The following DCC variants were observed in gnomAD, a reference collection of about 807,000 sequenced individuals.
DCC encodes DCC netrin 1 receptor, also known as netrin receptor DCC.
A neutral mutation model predicts 172.5 loss-of-function variants in DCC; 58 were observed. The observed-to-expected ratio is 0.34, with a 90% CI of 0.27 to 0.42. The LOEUF (loss-of-function observed/expected upper bound fraction) is 0.42. DCC is among the 10% of genes least tolerant of loss of function. DCC has a pLI of 1.00. For synonymous variants in DCC, 709 were observed against 644.5 expected (o/e 1.10, Z -1.52); for missense variants, 1,740 against 1,791.0 (o/e 0.97, Z 0.51).
At chr18:52,661,293 C>G (rs1280456468) in intron 1 of DCC, among the ~76,000 whole-genome samples, 1 of 152,100 alleles carries the variant, frequency 6.6e-6, no homozygotes, top group African/African-American at 2.4e-5. Flanking sequence ...AGACATTAGA[C>G]CTACAGACTC....
intron 1 of DCC, among the ~76,000 whole-genome samples, chr18:52,595,121 A>G (rs1402450197): frequency 1.3e-5 from 2 of 152,198 alleles, no homozygotes; most frequent in African/African-American, 4.8e-5. Flanking sequence ...TGCCTTGTAC[A>G]TCACAAAAAA....
At chr18:53,353,618 T>C (rs2057838765) in intron 15 of DCC, among the ~76,000 whole-genome samples, 2 of 152,166 alleles carry the variant, frequency 1.3e-5, no homozygotes, top group African/African-American at 2.4e-5. Context: ...CTTTGTTATG[T>C]GTGAAAAAGT....
intron 5 of DCC, among the ~76,000 whole-genome samples, chr18:52,952,088 A>G (rs771546432): frequency 6.6e-6 from 1 of 152,190 alleles, no homozygotes; most frequent in Non-Finnish European, 1.5e-5. Flanking sequence ...ATATATTATG[A>G]TCACTTCTTC....
intron 12 of DCC, among the ~76,000 whole-genome samples, chr18:53,223,811 C>T (rs2055979576): frequency 1.3e-5 from 2 of 152,242 alleles, no homozygotes; most frequent in African/African-American, 2.4e-5. Flanking sequence ...AGATTTAACA[C>T]ATTAACACGA....
At chr18:53,358,927 G>A (rs181468175) in intron 15 of DCC, among the ~76,000 whole-genome samples, 1 of 152,294 alleles carries the variant, frequency 6.6e-6, no homozygotes, top group East Asian at 1.9e-4. Context: ...TATAAGACCA[G>A]TGATTGCATT....
At position 53,170,964 on chromosome 18, in the gene DCC, C is replaced by A. The variant is rs118176980; in HGVS notation, c.1419-7998C>A. 9.1e-3 allele frequency among the ~76,000 whole-genome samples: 1,382 copies of A among 152,248 alleles called. 54 individuals carry two copies. The East Asian group carries it at 0.1, about 11-fold the overall frequency. On this transcript the variant is annotated intron_variant, in intron 8 of 28. Coordinates refer to ENST00000442544, the MANE Select transcript of DCC (RefSeq NM_005215.4). Reference sequence around the variant, plus strand: ...GTAATGGCATGATCTCAGCTCATGGCAACTTCTGCCTCCAGGCTCAAGTGA... The same window carrying A: ...GTAATGGCATGATCTCAGCTCATGGAAACTTCTGCCTCCAGGCTCAAGTGA...
intron 2 of DCC, among the ~76,000 whole-genome samples, chr18:52,847,104 A>G (rs1192749363): frequency 6.6e-6 from 1 of 152,176 alleles, no homozygotes; most frequent in African/African-American, 2.4e-5. Context: ...CTTTTCGTCT[A>G]TTCCTTATGT....
intron 2 of DCC, among the ~76,000 whole-genome samples, chr18:52,830,798 G>T (rs1208662947): frequency 1.3e-5 from 2 of 152,028 alleles, no homozygotes; most frequent in South Asian, 2.1e-4. Context: ...TTAAATGTAG[G>T]TTTATCAAAC....
intron 1 of DCC, among the ~76,000 whole-genome samples, chr18:52,614,772 C>A (rs1220827703): frequency 6.6e-6 from 1 of 151,952 alleles, no homozygotes; most frequent in Admixed American, 6.6e-5. Context: ...AAAAAAAAAT[C>A]TCAAATTTCA....
At chr18:52,447,270 G>A (rs1355572637) in intron 1 of DCC, among the ~76,000 whole-genome samples, 1 of 152,200 alleles carries the variant, frequency 6.6e-6, no homozygotes, top group Non-Finnish European at 1.5e-5. Context: ...TCTTCAACAA[G>A]TAGCCAGTGC....
intron 2 of DCC, among the ~76,000 whole-genome samples, chr18:52,891,185 A>G (rs1330141579): frequency 3.3e-5 from 5 of 152,084 alleles, no homozygotes; most frequent in Admixed American, 6.6e-5. Context: ...CTCTCTTACC[A>G]TAAGTCCCTA....
At chr18:53,120,875 T>C (rs1016125080) in intron 7 of DCC, among the ~76,000 whole-genome samples, 1 of 151,892 alleles carries the variant, frequency 6.6e-6, no homozygotes, top group Non-Finnish European at 1.5e-5. Context: ...AATAGATGTT[T>C]GTTTAGGGCA....
In DCC at chr18:53,448,055, T is replaced by TTTTTTG. The variant is rs1555673133; in HGVS notation, c.3230-2440_3230-2439insGTTTTT. Among the ~76,000 whole-genome samples, 782 of 149,654 alleles carry TTTTTTG rather than the reference T, an allele frequency of 5.2e-3. 8 individuals are homozygous for TTTTTTG. Among genetic ancestry groups the TTTTTTG allele is most frequent in the African/African-American group, 0.018 (712 of 40,190 alleles). On this transcript the variant is annotated intron_variant, in intron 22 of 28. Transcript: ENST00000442544. ...TATTTAAATTTTGATGAGTTTTTTT[T>TTTTTTG]TTTTTTTTTTTTTTTACAAAAGCAA...
At chr18:53,017,493 C>T (rs755444142) in intron 5 of DCC, among the ~76,000 whole-genome samples, 2 of 152,094 alleles carry the variant, frequency 1.3e-5, no homozygotes, top group Admixed American at 6.6e-5. Flanking sequence ...ACAAGTATGT[C>T]CAGTTTTAGA....
intron 1 of DCC, among the ~76,000 whole-genome samples, chr18:52,664,713 C>T (rs11082934): frequency 0.063 from 9,550 of 151,850 alleles, 334 homozygotes; most frequent in Middle Eastern, 0.15. Flanking sequence ...CCTCGTGATC[C>T]GCCCGCCTCG....
chr18:53,179,224 T>C (rs760573966), intron 9 of DCC, 108 bp downstream of exon 9: 158 of 1,103,050 alleles, frequency 1.4e-4, no homozygotes, highest in Non-Finnish European at 2.1e-4. Context: ...CGAAGAAGAG[T>C]TTTTTTTCTT....
intron 1 of DCC, among the ~76,000 whole-genome samples, chr18:52,648,901 C>T (rs1034350574): frequency 3.9e-5 from 6 of 152,064 alleles, no homozygotes; most frequent in East Asian, 1.9e-4. Flanking sequence ...AAAGGGTGGA[C>T]GTTTCAGTGG....
chr18:52,553,572 G>C (rs148848817), intron 1 of DCC, among the ~76,000 whole-genome samples: 45 of 152,120 alleles, frequency 3.0e-4, no homozygotes, highest in Non-Finnish European at 5.4e-4. Flanking sequence ...GGCACTGTGT[G>C]AATTTCTGAG....
intron 5 of DCC, among the ~76,000 whole-genome samples, chr18:53,021,869 G>A (rs2041886384): frequency 6.6e-6 from 1 of 152,132 alleles, no homozygotes; most frequent in African/African-American, 2.4e-5. Flanking sequence ...GTTGGTTAAT[G>A]GCTGCATTTG....
Sources: allele counts gnomAD v4.1 joint callset (sites outside exome capture counted in the v4.1 genomes callset), GRCh38; gene constraint gnomAD v4.1.1; transcripts MANE v1.5; gene names NCBI Gene and HGNC (gene_info 2026-07-23, HGNC 2026-07-21).